Variants in PTPRD observed in about 807,000 individuals in gnomAD.
PTPRD encodes the protein protein tyrosine phosphatase receptor type D, also known as receptor-type tyrosine-protein phosphatase delta.
A neutral mutation model predicts 214.5 loss-of-function variants in PTPRD; 34 were observed. That is an observed-to-expected ratio of 0.16 (90% CI 0.12 to 0.21). The LOEUF (loss-of-function observed/expected upper bound fraction) is 0.21, where lower values mean the gene tolerates loss of function less well. PTPRD is among the 10% of genes least tolerant of loss of function. PTPRD has a pLI of 1.00. For synonymous variants in PTPRD, 1,128 were observed against 845.7 expected, an observed-to-expected ratio of 1.33 and a Z score of -5.79; for missense variants, 2,545 against 2,398.7, an observed-to-expected ratio of 1.06 and a Z score of -1.27.
intron 8 of PTPRD, among the ~76,000 whole-genome samples, chr9:9,439,315 C>A (rs2086587957): frequency 6.6e-6 from 1 of 152,070 alleles, no homozygotes; most frequent in South Asian, 2.1e-4. Context: ...TCATGCATAA[C>A]ATACTCTGAT....
At chr9:9,894,710 T>C (rs1481699355) in intron 5 of PTPRD, among the ~76,000 whole-genome samples, 1 of 152,072 alleles carries the variant, frequency 6.6e-6, no homozygotes, top group Non-Finnish European at 1.5e-5. Flanking sequence ...AAATAATATC[T>C]CTCTTTTTTA....
intron 9 of PTPRD, among the ~76,000 whole-genome samples, chr9:9,300,956 A>G (rs1256358197): frequency 6.6e-6 from 1 of 151,766 alleles, no homozygotes; most frequent in East Asian, 1.9e-4. Context: ...CTTGGATAAT[A>G]CACTTTTCCC....
At chr9:8,708,679 C>CAAAAAAA (rs765081509) in intron 12 of PTPRD, among the ~76,000 whole-genome samples, 2 of 39,394 alleles carry the variant, frequency 5.1e-5, no homozygotes, top group Non-Finnish European at 9.4e-5. Context: ...GACTCTGTCT[C>CAAAAAAA]AAAAAAAAAA....
chr9:9,794,419 C>T (rs141579194), intron 5 of PTPRD, among the ~76,000 whole-genome samples: 11 of 151,822 alleles, frequency 7.2e-5, no homozygotes, highest in East Asian at 3.9e-4. Flanking sequence ...GGAGACTTAA[C>T]GATTTATGGT....
chr9:9,412,075 A>C (rs2075624082), intron 8 of PTPRD, among the ~76,000 whole-genome samples: 2 of 152,210 alleles, frequency 1.3e-5, no homozygotes, highest in African/African-American at 4.8e-5. Context: ...AGTAGAAAAA[A>C]GCGATTATAC....
chr9:9,310,211 G>A (rs1427258993), intron 9 of PTPRD, among the ~76,000 whole-genome samples: 1 of 152,138 alleles, frequency 6.6e-6, no homozygotes, highest in Non-Finnish European at 1.5e-5. Flanking sequence ...GAGGAAAGTA[G>A]GAGGACAGAG....
chr9:10,608,003 G>C (rs2133681600), intron 2 of PTPRD, among the ~76,000 whole-genome samples: 1 of 151,928 alleles, frequency 6.6e-6, no homozygotes, highest in African/African-American at 2.4e-5. Context: ...TGTGAAACTG[G>C]GATATTCAAC....
At chr9:8,422,147 CAAAAAA>C (rs768623202) in intron 35 of PTPRD, among the ~76,000 whole-genome samples, 32 of 33,974 alleles carry the variant, frequency 9.4e-4, no homozygotes, top group African/African-American at 2.9e-3. Context: ...ACCCTGTCTC[CAAAAAA>C]AAAAAAAAAA....
chr9:9,900,641 G>GTTTTTTTTTTTGTTTTTTTTTTTTTTTT (rs367877727), intron 5 of PTPRD, among the ~76,000 whole-genome samples: 1 of 120,086 alleles, frequency 8.3e-6, no homozygotes, highest in Non-Finnish European at 1.8e-5. Flanking sequence ...ACATTTTCAG[G>GTTTTTTTTTTTGTTTTTTTTTTTTTTTT]TTTTTTTTTT....
At chr9:10,100,647 C>A (rs1337160249) in intron 3 of PTPRD, among the ~76,000 whole-genome samples, 1 of 151,442 alleles carries the variant, frequency 6.6e-6, no homozygotes, top group Non-Finnish European at 1.5e-5. Context: ...CTAATGGTAA[C>A]AGAAATAAAA....
At chr9:9,315,833 C>CTTTTTTTT (rs566821610) in intron 9 of PTPRD, among the ~76,000 whole-genome samples, 13 of 93,316 alleles carry the variant, frequency 1.4e-4, no homozygotes, top group Non-Finnish European at 1.7e-4. Context: ...TAGCAGACAA[C>CTTTTTTTT]TTTTTTTTTT....
intron 11 of PTPRD, among the ~76,000 whole-genome samples, chr9:9,011,635 A>T (rs145087246): frequency 6.6e-6 from 1 of 152,290 alleles, no homozygotes; most frequent in East Asian, 1.9e-4. Context: ...GGAAATGCCC[A>T]TTGTACTTCA....
chr9:9,407,917 G>A (rs751234349), intron 8 of PTPRD, among the ~76,000 whole-genome samples: 3 of 151,748 alleles, frequency 2.0e-5, no homozygotes, highest in Non-Finnish European at 4.4e-5. Context: ...AAAAATTATA[G>A]TGTAGTAATT....
intron 23 of PTPRD, among the ~76,000 whole-genome samples, chr9:8,502,214 T>G (rs2137068590): frequency 6.6e-6 from 1 of 152,236 alleles, no homozygotes; most frequent in Non-Finnish European, 1.5e-5. Context: ...TATTTAAAAC[T>G]TAATAATATT....
chr9:9,585,261 G>C (rs2091729999), intron 7 of PTPRD, among the ~76,000 whole-genome samples: 1 of 151,980 alleles, frequency 6.6e-6, no homozygotes, highest in Non-Finnish European at 1.5e-5. Flanking sequence ...CTGTGCTCAG[G>C]GATGTTTGAG....
At chr9:8,800,511 G>T (rs1234139720) in intron 11 of PTPRD, among the ~76,000 whole-genome samples, 1 of 152,082 alleles carries the variant, frequency 6.6e-6, no homozygotes, top group South Asian at 2.1e-4. Flanking sequence ...CCACAAGAGT[G>T]ACTTCTGGTC....
At chr9:9,066,541 T>C (rs1240213438) in intron 10 of PTPRD, among the ~76,000 whole-genome samples, 1 of 131,032 alleles carries the variant, frequency 7.6e-6, no homozygotes, top group Non-Finnish European at 1.7e-5. Context: ...TGACCTCATA[T>C]GACCAACAAC....
chr9:8,426,187 C>CTGT (rs2094656326), intron 35 of PTPRD, among the ~76,000 whole-genome samples: 4 of 152,168 alleles, frequency 2.6e-5, no homozygotes, highest in Non-Finnish European at 5.9e-5. Context: ...AGGTGCCTAA[C>CTGT]ATATATTCAT....
At chr9:10,058,825 T>C (rs1279037091) in intron 3 of PTPRD, among the ~76,000 whole-genome samples, 4 of 152,124 alleles carry the variant, frequency 2.6e-5, no homozygotes, top group Non-Finnish European at 1.5e-5. Flanking sequence ...TTTGGAGTTA[T>C]GCACCACATT....
Sources: allele counts gnomAD v4.1 joint callset (sites outside exome capture counted in the v4.1 genomes callset), GRCh38; gene constraint gnomAD v4.1.1; transcripts MANE v1.5; gene names NCBI Gene and HGNC (gene_info 2026-07-23, HGNC 2026-07-21).